The following PARP8 variants were observed in gnomAD, a reference collection of about 807,000 sequenced individuals.
The protein encoded by PARP8 is poly(ADP-ribose) polymerase family member 8.
In PARP8, 51 loss-of-function variants were observed where a neutral mutation model predicts 124.1. The observed-to-expected ratio is 0.41, with a 90% CI of 0.33 to 0.52. The LOEUF is 0.52. PARP8 is among the 20% of genes least tolerant of loss of function. PARP8 has a pLI of 0.21. For missense variants in PARP8, 860 were observed against 1,018.9 expected (o/e 0.84, Z 2.12); for synonymous variants, 391 against 361.5 (o/e 1.08, Z -0.93).
intron 7 of PARP8, among the ~76,000 whole-genome samples, chr5:50,765,055 A>G (rs931106885): frequency 6.6e-6 from 1 of 151,858 alleles, no homozygotes; most frequent in East Asian, 1.9e-4. Context: ...TGAGGTTGGG[A>G]GTTTGAGACC....
intron 10 of PARP8, among the ~76,000 whole-genome samples, chr5:50,792,359 A>C (rs1742056863): frequency 6.6e-6 from 1 of 152,184 alleles, no homozygotes; most frequent in Non-Finnish European, 1.5e-5. Context: ...TTTCTTTTGC[A>C]TCCAAGGACA....
intron 2 of PARP8, among the ~76,000 whole-genome samples, chr5:50,739,402 G>T (rs1757796101): frequency 6.6e-6 from 1 of 151,572 alleles, no homozygotes; most frequent in Non-Finnish European, 1.5e-5. Context: ...GGGGATGGGG[G>T]TGGGGAGGGA....
chr5:50,750,764 A>G (rs771376712), intron 3 of PARP8, among the ~76,000 whole-genome samples: 7 of 152,082 alleles, frequency 4.6e-5, no homozygotes, highest in Non-Finnish European at 1.0e-4. Flanking sequence ...TTATTTTGCT[A>G]TGCTCTCCAT....
chr5:50,785,904 GTCA>G (rs1417618490), intron 9 of PARP8, among the ~76,000 whole-genome samples: 1 of 152,076 alleles, frequency 6.6e-6, no homozygotes, highest in Non-Finnish European at 1.5e-5. Flanking sequence ...GCTCTTATAT[GTCA>G]TCTTTTCATT....
At chr5:50,669,181 AC>A (rs1749716166) in intron 2 of PARP8, 1 of 152,210 alleles carries the variant, frequency 6.6e-6, no homozygotes, top group African/African-American at 2.4e-5. Context: ...ACATTGATTT[AC>A]TAGTTGAAAA....
At chr5:50,763,394 A>G (rs1486815874) in intron 7 of PARP8, 152 bp downstream of exon 7, 12 of 579,926 alleles carry the variant, frequency 2.1e-5, no homozygotes, top group East Asian at 5.8e-5. Flanking sequence ...ACAAAATGAC[A>G]TATTTATGGC....
chr5:50,774,348 G>C (rs1761939688), intron 7 of PARP8, among the ~76,000 whole-genome samples: 1 of 152,134 alleles, frequency 6.6e-6, no homozygotes, highest in African/African-American at 2.4e-5. Context: ...GATGGTCACT[G>C]TCTCTTCGGA....
intron 2 of PARP8, among the ~76,000 whole-genome samples, chr5:50,682,380 A>G (rs1399604887): frequency 1.3e-5 from 2 of 152,160 alleles, no homozygotes; most frequent in Non-Finnish European, 1.5e-5. Flanking sequence ...CATGAAAGTA[A>G]CATTTTGCCA....
intron 2 of PARP8, among the ~76,000 whole-genome samples, chr5:50,719,370 C>T (rs1755646713): frequency 6.6e-6 from 1 of 151,930 alleles, no homozygotes; most frequent in Non-Finnish European, 1.5e-5. Context: ...GTTACCTATG[C>T]TTTTGATGTC....
At chr5:50,778,254 C>A in intron 8 of PARP8, 125 bp downstream of exon 8, 2 of 736,684 alleles carry the variant, frequency 2.7e-6, no homozygotes, top group South Asian at 2.2e-5. Flanking sequence ...TGTTAAGGTG[C>A]TTTGTGAAGA....
At chr5:50,826,979 A>G (rs1746424789) in intron 19 of PARP8, among the ~76,000 whole-genome samples, 176 bp downstream of exon 19, 1 of 152,154 alleles carries the variant, frequency 6.6e-6, no homozygotes, top group South Asian at 2.1e-4. Context: ...AACCTTTCCA[A>G]GATAACAAAT....
At chr5:50,811,595 G>GT (rs372535744) in intron 14 of PARP8, among the ~76,000 whole-genome samples, 35 of 147,930 alleles carry the variant, frequency 2.4e-4, no homozygotes, top group African/African-American at 4.2e-4. Flanking sequence ...TCCATTGGGT[G>GT]TTTTTTTTTT....
chr5:50,667,969 G>A, intron 1 of PARP8, 102 bp from the exon 2 acceptor site: 1 of 1,600,390 alleles, frequency 6.2e-7, no homozygotes, highest in South Asian at 1.1e-5. Context: ...CTTCTGCCCG[G>A]CCAGGCCTCC....
At chr5:50,812,935 T>A (rs894296811) in intron 14 of PARP8, among the ~76,000 whole-genome samples, 5 of 152,186 alleles carry the variant, frequency 3.3e-5, no homozygotes, top group Non-Finnish European at 4.4e-5. Context: ...AGGGCTCTGT[T>A]CTGTTCCATT....
chr5:50,700,619 A>C (rs1753493040), intron 2 of PARP8, among the ~76,000 whole-genome samples: 1 of 152,208 alleles, frequency 6.6e-6, no homozygotes. Context: ...TAAATTTACT[A>C]AACAATGCTT....
intron 14 of PARP8, 30 bp downstream of exon 14, chr5:50,797,263 T>C: frequency 7.0e-7 from 1 of 1,435,108 alleles, no homozygotes; most frequent in Non-Finnish European, 9.6e-7. Context: ...ATGTCCGTGT[T>C]GGTTTAGAAT....
intron 4 of PARP8, 87 bp downstream of exon 4, chr5:50,759,819 T>C (rs930570592): frequency 1.9e-5 from 26 of 1,356,862 alleles, no homozygotes; most frequent in East Asian, 2.9e-5. Context: ...ATTTAGCCAG[T>C]AACAGATATT....
chr5:50,732,453 T>C (rs1757061523), intron 2 of PARP8, among the ~76,000 whole-genome samples: 1 of 152,208 alleles, frequency 6.6e-6, no homozygotes, highest in African/African-American at 2.4e-5. Context: ...ATAGAAGTAG[T>C]AGATATACCG....
chr5:50,815,250 A>G (rs748378628), intron 14 of PARP8, among the ~76,000 whole-genome samples, 182 bp from the exon 15 acceptor site: 27 of 152,156 alleles, frequency 1.8e-4, no homozygotes, highest in African/African-American at 5.8e-4. Flanking sequence ...ATATTAGTAA[A>G]TGACTCTTTA....
Sources: allele counts gnomAD v4.1 joint callset (sites outside exome capture counted in the v4.1 genomes callset), GRCh38; gene constraint gnomAD v4.1.1; transcripts MANE v1.5; gene names NCBI Gene and HGNC (gene_info 2026-07-23, HGNC 2026-07-21).